EPC2: variants seen among roughly 807,000 people sequenced by gnomAD.
The protein encoded by EPC2 is enhancer of polycomb 2, also known as enhancer of polycomb homolog 2.
Under a neutral mutation model 92.1 loss-of-function variants are expected in EPC2, and 14 were observed. The observed-to-expected ratio is 0.15, with a 90% CI of 0.10 to 0.24. The LOEUF is 0.24. Among genes scored for constraint, EPC2 ranks in the 10% least tolerant of loss-of-function variants. The pLI is 1.00. For synonymous variants in EPC2, 340 were observed against 334.7 expected, an observed-to-expected ratio of 1.02 and a Z score of -0.17; for missense variants, 755 against 971.5, an observed-to-expected ratio of 0.78 and a Z score of 2.96.
In EPC2 at chr2:148,656,467, C is replaced by A. The variant is rs924337219; in HGVS notation, c.153+11297C>A. ...TATGACCTCAAGTAGTAACTTGAGT[C>A]AGAAGAGCAACAATAATATACTCTT... On this transcript the variant is annotated intron_variant, in intron 1 of 13. Coordinates refer to ENST00000258484, the MANE Select transcript of EPC2 (RefSeq NM_015630.4). Among the ~76,000 whole-genome samples the A allele has an allele frequency of 6.5e-4, 99 of 152,126 alleles. 1 individual carries two copies. The highest frequency in any genetic ancestry group is 2.2e-3 in the African/African-American group (92 of 41,478).
At chr2:148,680,049 CAT>C (rs900575870) in intron 1 of EPC2, among the ~76,000 whole-genome samples, 6 of 150,320 alleles carry the variant, frequency 4.0e-5, no homozygotes, top group African/African-American at 4.9e-5. Context: ...TTAAGAAAAA[CAT>C]ATTTCTGCCT....
chr2:148,769,237 T>C lies in EPC2; in HGVS notation c.1227T>C (p.Tyr409=), dbSNP rs752509245. 7.5e-6 allele frequency: 12 copies of C among 1,607,058 alleles called. No homozygotes were observed. Among genetic ancestry groups the C allele is most frequent in the South Asian group, 6.7e-5 (6 of 89,542 alleles). Residue 409 remains tyrosine, a synonymous_variant, in exon 8 of 14, where the codon TAT becomes TAC. Coordinates refer to ENST00000258484, the MANE Select transcript of EPC2 (RefSeq NM_015630.4). ...AFRRRAGCQY[Y]APRLDQANHS... ...GAAGGCGGGCAGGATGCCAGTATTA[T>C]GCTGTAAGAACTTTTGTGTGTGTGT...
chr2:148,761,435 G>C (rs1683299466), intron 4 of EPC2, among the ~76,000 whole-genome samples: 2 of 152,132 alleles, frequency 1.3e-5, no homozygotes, highest in South Asian at 4.1e-4. Context: ...GTTCCTCTCT[G>C]TCATTGGAAA....
intron 2 of EPC2, among the ~76,000 whole-genome samples, chr2:148,709,421 A>G (rs988639073): frequency 6.6e-6 from 1 of 152,228 alleles, no homozygotes; most frequent in Non-Finnish European, 1.5e-5. Context: ...CATACTGCCC[A>G]AGGTAATTTA....
At chr2:148,784,085 A>G (rs755503530) in intron 12 of EPC2, among the ~76,000 whole-genome samples, 5 of 152,346 alleles carry the variant, frequency 3.3e-5, no homozygotes, top group Non-Finnish European at 7.3e-5. Context: ...ATTGATAAAA[A>G]AGTGAAAGAT....
intron 2 of EPC2, among the ~76,000 whole-genome samples, chr2:148,736,832 G>A (rs1682767500): frequency 6.6e-6 from 1 of 151,838 alleles, no homozygotes; most frequent in Non-Finnish European, 1.5e-5. Context: ...GCACACGATG[G>A]CTCATGCCTG....
At chr2:148,689,913 A>G (rs1681610548) in intron 1 of EPC2, among the ~76,000 whole-genome samples, 1 of 152,190 alleles carries the variant, frequency 6.6e-6, no homozygotes, top group Non-Finnish European at 1.5e-5. Context: ...ACCTCAATTA[A>G]TCTAGCAAAC....
rs187135968 is a variant in EPC2, at chr2:148,770,221, G to A, written c.1231-571G>A. On this transcript the variant is annotated intron_variant, in intron 8 of 13. Coordinates refer to ENST00000258484, the MANE Select transcript of EPC2 (RefSeq NM_015630.4). Reference sequence around the variant, plus strand: ...CATGCTGCTAATTTTTGTAATTTTTGTAGAGATAGGGTCTTGCTACGTTGC... The same window carrying A: ...CATGCTGCTAATTTTTGTAATTTTTATAGAGATAGGGTCTTGCTACGTTGC... Among the ~76,000 whole-genome samples, 25 of 152,114 alleles carry A rather than the reference G, an allele frequency of 1.6e-4. 1 individual carries two copies. The South Asian group carries it at 3.7e-3, about 23-fold the overall frequency.
In EPC2 at chr2:148,709,497, T is replaced by G. The variant is rs566391372; in HGVS notation, c.313+19124T>G. Among the ~76,000 whole-genome samples the G allele has an allele frequency of 5.9e-5, 9 of 152,282 alleles. No individual in the cohort carries two copies. In the East Asian group the frequency reaches 1.5e-3, roughly 26 times the overall value. ...TTCACAGAATTGGAAAAAACTACTTTAAAGTTCATATGGAACCAAAAAAAG... is the reference window on the plus strand; with the variant it reads ...TTCACAGAATTGGAAAAAACTACTTGAAAGTTCATATGGAACCAAAAAAAG... On this transcript the variant is annotated intron_variant, in intron 2 of 13. Transcript: ENST00000258484.
At chr2:148,751,665 A>G (rs1395257914) in intron 3 of EPC2, among the ~76,000 whole-genome samples, 1 of 151,974 alleles carries the variant, frequency 6.6e-6, no homozygotes, top group Non-Finnish European at 1.5e-5. Flanking sequence ...CTTTTTTTAT[A>G]CTGTATAAAA....
rs1680581405 is a variant in EPC2, at chr2:148,648,978, G to A, written c.153+3808G>A. Among the ~76,000 whole-genome samples the A allele has an allele frequency of 3.9e-5, 6 of 152,034 alleles. No individual in the cohort carries two copies. In the South Asian group the frequency reaches 1.2e-3, roughly 32 times the overall value. ...ACTTGGTCTTTGTAATGCTCCTCAC[G>A]GCACTTGGTCTAGGTCAAGTACTGT... On this transcript the variant is annotated intron_variant, in intron 1 of 13. Coordinates refer to ENST00000258484, the MANE Select transcript of EPC2 (RefSeq NM_015630.4).
intron 13 of EPC2, 45 bp downstream of exon 13, chr2:148,785,046 G>T (rs533627617): frequency 2.1e-6 from 3 of 1,434,548 alleles, no homozygotes; most frequent in Non-Finnish European, 2.8e-6. Flanking sequence ...TGTGCTGGCT[G>T]TCCTGTGGGA....
chr2:148,701,628 A>C (rs1490818787), intron 2 of EPC2, among the ~76,000 whole-genome samples: 1 of 152,174 alleles, frequency 6.6e-6, no homozygotes, highest in African/African-American at 2.4e-5. Context: ...TCAGCTTGCT[A>C]TAATAATACT....
At chr2:148,705,671 C>T (rs977538960) in intron 2 of EPC2, among the ~76,000 whole-genome samples, 2 of 152,212 alleles carry the variant, frequency 1.3e-5, no homozygotes, top group African/African-American at 2.4e-5. Flanking sequence ...GCAATATTTG[C>T]TGTTCTGCAG....
Position 148,787,418 on chromosome 2 carries a change from T to G in EPC2, c.*1041T>G, listed in dbSNP as rs1683892141. On this transcript the variant is annotated 3_prime_UTR_variant, in exon 14 of 14. Transcript: ENST00000258484. ...TTGGACACCTTCATAGTGTAGTGTT[T>G]TAGTGACTTTTTTTATACGGTTCTT... 6.6e-6 allele frequency: 1 copy of G among 152,626 alleles called. No homozygotes were observed. The highest frequency in any genetic ancestry group is 2.4e-5 in the African/African-American group (1 of 41,452). 9.5% of individuals were successfully genotyped at this position (152,626 alleles called of 1,614,324 possible).
At chr2:148,755,292 C>T (rs1435645829) in intron 4 of EPC2, among the ~76,000 whole-genome samples, 1 of 151,914 alleles carries the variant, frequency 6.6e-6, no homozygotes, top group African/African-American at 2.4e-5. Flanking sequence ...TTTTCTAAGA[C>T]TGAAACAAGA....
chr2:148,723,259 C>G (rs1574605299), intron 2 of EPC2, among the ~76,000 whole-genome samples: 2 of 152,192 alleles, frequency 1.3e-5, no homozygotes, highest in African/African-American at 4.8e-5. Context: ...TGCTCTGGCA[C>G]ATTTCAAAAT....
intron 1 of EPC2, among the ~76,000 whole-genome samples, chr2:148,661,585 T>A (rs1004923096): frequency 3.9e-5 from 6 of 152,206 alleles, no homozygotes; most frequent in African/African-American, 1.4e-4. Flanking sequence ...GTTTTGTTTC[T>A]GAACTTGTGT....
intron 3 of EPC2, among the ~76,000 whole-genome samples, chr2:148,748,041 G>A (rs1683017781): frequency 2.0e-5 from 3 of 152,078 alleles, no homozygotes; most frequent in South Asian, 2.1e-4. Context: ...TGATTGGATC[G>A]TGAGAGTGGA....
Sources: allele counts gnomAD v4.1 joint callset (sites outside exome capture counted in the v4.1 genomes callset), GRCh38; gene constraint gnomAD v4.1.1; transcripts MANE v1.5; gene names NCBI Gene and HGNC (gene_info 2026-07-23, HGNC 2026-07-21).